Variants in ATAD3C observed in about 807,000 individuals in gnomAD.
The protein encoded by ATAD3C is ATPase family AAA domain containing 3C.
Under a neutral mutation model 46.3 loss-of-function variants are expected in ATAD3C, and 38 were observed. The observed-to-expected ratio is 0.82, with a 90% CI of 0.63 to 1.08. The LOEUF (loss-of-function observed/expected upper bound fraction) is 1.08. ATAD3C is among the 50% of genes least tolerant of loss of function. ATAD3C has a pLI of 0.00. For missense variants in ATAD3C, 563 were observed against 572.7 expected, an observed-to-expected ratio of 0.98 and a Z score of 0.17; for synonymous variants, 220 against 236.4, an observed-to-expected ratio of 0.93 and a Z score of 0.63.
chr1:1,452,666 G>A (rs1638883036), intron 3 of ATAD3C, among the ~76,000 whole-genome samples: 1 of 151,872 alleles, frequency 6.6e-6, no homozygotes, highest in South Asian at 2.1e-4. Flanking sequence ...CTCTACACAT[G>A]GCACGTGCTT....
At chr1:1,455,594 G>T in intron 5 of ATAD3C, 75 bp downstream of exon 5, 1 of 1,603,504 alleles carries the variant, frequency 6.2e-7, no homozygotes, top group East Asian at 2.2e-5. Flanking sequence ...GGCCCTTGCT[G>T]GCGCTCCTGG....
intron 3 of ATAD3C, among the ~76,000 whole-genome samples, chr1:1,453,201 T>C (rs1638894514): frequency 6.6e-6 from 1 of 152,060 alleles, no homozygotes; most frequent in South Asian, 2.1e-4. Flanking sequence ...TAATGCACTG[T>C]TGACTTTTGT....
At chr1:1,451,744 T>G (rs1638862745) in intron 1 of ATAD3C, among the ~76,000 whole-genome samples, 2 of 152,080 alleles carry the variant, frequency 1.3e-5, no homozygotes, top group Non-Finnish European at 2.9e-5. Flanking sequence ...GAAGCTTCCT[T>G]AAGCCCAGCC....
rs950565855 is a variant in ATAD3C at position 1,455,735 on chromosome 1, C to A, written c.439-56C>A. 11 of 1,606,522 alleles carry A rather than the reference C, an allele frequency of 6.8e-6. 1 individual carries two copies. Among genetic ancestry groups the A allele is most frequent in the African/African-American group, 4.0e-5 (3 of 74,598 alleles). On this transcript the variant is annotated intron_variant, in intron 5 of 11. Coordinates refer to ENST00000378785, the MANE Select transcript of ATAD3C (RefSeq NM_001039211.3). ...CCCAGGCATTCTCGCAGCCCCTGCCCCCGAGGCTTCTGTGGGTGCAGACTG... is the reference window on the plus strand; with the variant it reads ...CCCAGGCATTCTCGCAGCCCCTGCCACCGAGGCTTCTGTGGGTGCAGACTG...
Position 1,461,186 on chromosome 1 carries a change from C to T in ATAD3C, c.980+269C>T, listed in dbSNP as rs987705348. Among the ~76,000 whole-genome samples, 4 of 144,188 alleles carry T rather than the reference C, an allele frequency of 2.8e-5. 1 individual carries two copies. Among genetic ancestry groups the T allele is most frequent in the Non-Finnish European group, 5.9e-5 (4 of 67,906 alleles). The allele number at this position is 144,188 out of a possible 152,430, so 94.6% of individuals were successfully genotyped here. On this transcript the variant is annotated intron_variant, in intron 10 of 11. Transcript: ENST00000378785. ...GCACAGTCCACTATCACTTACAAAC[C>T]TTTAACATTTTTTTTTTTGAGGCGA...
At position 1,467,273 on chromosome 1, in the gene ATAD3C, C is replaced by A. The variant is rs572565120; in HGVS notation, c.1090-1111C>A. On this transcript the variant is annotated intron_variant, in intron 11 of 11. Coordinates refer to ENST00000378785, the MANE Select transcript of ATAD3C (RefSeq NM_001039211.3). Reference sequence around the variant, plus strand: ...GGGCCCTGGGTGAGGTGCAGCCACTCGGGTGGACCCTGAGGGTCCCTGCAC... The same window carrying A: ...GGGCCCTGGGTGAGGTGCAGCCACTAGGGTGGACCCTGAGGGTCCCTGCAC... 1.2e-4 allele frequency among the ~76,000 whole-genome samples: 18 copies of A among 152,172 alleles called. No individual in the cohort carries two copies. In the East Asian group the frequency reaches 2.9e-3, roughly 24 times the overall value.
chr1:1,460,957 C>T lies in ATAD3C; in HGVS notation c.980+40C>T, dbSNP rs770738112. ...CCACCAGCCCCCGTCCAGGGGCCCT[C>T]GCTCAGGGTCCACCCCTGCTCCTGT... On this transcript the variant is annotated intron_variant, in intron 10 of 11. Transcript: ENST00000378785. 26 of 1,567,986 alleles carry T rather than the reference C, an allele frequency of 1.7e-5. No individual in the cohort carries two copies. The Admixed American group carries it at 2.6e-4, about 16-fold the overall frequency.
At chr1:1,450,829 A>C (rs921409647) in intron 1 of ATAD3C, 71 bp downstream of exon 1, 1 of 1,596,972 alleles carries the variant, frequency 6.3e-7, no homozygotes, top group Non-Finnish European at 8.5e-7. Context: ...TGGTAGGGCT[A>C]CTGCCGGTGG....
rs1391351719 is a variant in ATAD3C at position 1,455,490 on chromosome 1, C to T, written c.409C>T (p.Gln137Ter). The T allele has an allele frequency of 5.0e-6, 8 of 1,612,544 alleles. No individual in the cohort carries two copies. The highest frequency in any genetic ancestry group is 5.9e-6 in the Non-Finnish European group (7 of 1,179,474). Residue 137 changes from glutamine (Q) to a stop codon, truncating the protein, a stop_gained, in exon 5 of 12, where the codon CAG becomes TAG. Coordinates refer to ENST00000378785, the MANE Select transcript of ATAD3C (RefSeq NM_001039211.3). LOFTEE classifies it high-confidence loss of function. ...CAGCCGGCGGCTCCTCAGTCGACCC[C>T]AGGACGTGCTGGAGGGTGTTGTGCT... ...QVSRRLLSRP[Q>*]DVLEGVVLSP...
chr1:1,462,590 C>T lies in ATAD3C; in HGVS notation c.981-10C>T, dbSNP rs1282715844. 1 of 1,584,758 alleles carries T rather than the reference C, an allele frequency of 6.3e-7. No individual in the cohort carries two copies. Among genetic ancestry groups the T allele is most frequent in the Non-Finnish European group, 8.6e-7 (1 of 1,166,078 alleles). ...GCCTTGGCCGGCCCACTTGGGAACT[C>T]CTTCCCCAGGCGTCTGAAGCTGGCC... On this transcript the variant is annotated splice_polypyrimidine_tract_variant and intron_variant, in intron 10 of 11. Transcript: ENST00000378785. This position sits in a 1 kb window ranked among gnomAD's most constrained non-coding sequence, Gnocchi z 4.5.
rs185407047 is a variant in ATAD3C, at chr1:1,469,865, G to A, written c.*1335G>A. Reference sequence around the variant, plus strand: ...AAGCAACTGAAGATCCACAAAATAAGTGAAAAGAGCCTTAACTGATGACAT... The same window carrying A: ...AAGCAACTGAAGATCCACAAAATAAATGAAAAGAGCCTTAACTGATGACAT... On this transcript the variant is annotated 3_prime_UTR_variant, in exon 12 of 12. Coordinates refer to ENST00000378785, the MANE Select transcript of ATAD3C (RefSeq NM_001039211.3). 6.6e-6 allele frequency: 1 copy of A among 152,010 alleles called. No individual in the cohort carries two copies. The highest frequency in any genetic ancestry group is 2.4e-5 in the African/African-American group (1 of 41,438). 9.4% of individuals were successfully genotyped at this position (152,010 alleles called of 1,614,324 possible).
rs375341112 is a variant in ATAD3C at position 1,450,710 on chromosome 1, G to A, written c.27G>A (p.Ala9=). The part of the protein sequence containing the change: MSKDALNL[A]QMQEQTLQLE... ...TGTCAAAGGACGCCCTGAATCTGGC[G>A]CAGATGCAGGAGCAGACGCTGCAGT... Residue 9 remains alanine, a synonymous_variant, in exon 1 of 12, where the codon GCG becomes GCA. Coordinates refer to ENST00000378785, the MANE Select transcript of ATAD3C (RefSeq NM_001039211.3). The A allele has an allele frequency of 2.1e-4, 331 of 1,613,178 alleles. 4 individuals carry two copies. The highest frequency in any genetic ancestry group is 1.6e-3 in the African/African-American group (122 of 75,052).
In ATAD3C at chr1:1,457,574, C is replaced by T. The variant is rs576316792; in HGVS notation, c.741+394C>T. ...TCGTGCTGCTGCACTCCAGCCTGGG[C>T]GACACAGCGAGACTTCATCTCAAAA... On this transcript the variant is annotated intron_variant, in intron 8 of 11. Transcript: ENST00000378785. 1.4e-3 allele frequency among the ~76,000 whole-genome samples: 171 copies of T among 120,126 alleles called. 3 individuals carry two copies. The highest frequency in any genetic ancestry group is 5.3e-3 in the Admixed American group (49 of 9,302). 78.8% of individuals were successfully genotyped at this position (120,126 alleles called of 152,430 possible).
At chr1:1,461,861 G>A (rs1014390815) in intron 10 of ATAD3C, among the ~76,000 whole-genome samples, 5 of 152,114 alleles carry the variant, frequency 3.3e-5, no homozygotes, top group Admixed American at 2.6e-4. Context: ...TGTGGGGCGC[G>A]GCTCTTGCTT....
intron 11 of ATAD3C, 116 bp from the exon 12 acceptor site, chr1:1,468,268 C>T (rs1167201167): frequency 2.0e-5 from 29 of 1,439,898 alleles, no homozygotes; most frequent in African/African-American, 5.8e-5. Flanking sequence ...CTGTGTTTCA[C>T]GCTCAGGCCA....
Position 1,454,397 on chromosome 1 carries a change from C to G in ATAD3C, c.275C>G (p.Thr92Arg). ...GGGGTCTACTCAGCCAAGAATGCGA[C>G]AGCCGTCACTGGCCGCTACATCGAG... ...AVGVYSAKNA[T>R]AVTGRYIEAR... The change falls in exon 4 of 12, where the codon ACA becomes AGA. Residue 92 changes from threonine to arginine, a missense_variant. Physicochemically the swap from Thr to Arg is moderately conservative, Grantham distance 71. Coordinates refer to ENST00000378785, the MANE Select transcript of ATAD3C (RefSeq NM_001039211.3). 1 of 1,604,138 alleles carries G rather than the reference C, an allele frequency of 6.2e-7. No individual in the cohort carries two copies. The highest frequency in any genetic ancestry group is 8.5e-7 in the Non-Finnish European group (1 of 1,177,034).
rs1639191398 is a variant in ATAD3C at position 1,468,810 on chromosome 1, G to GC, written c.*284dup. 1 of 496,868 alleles carries GC rather than the reference G, an allele frequency of 2.0e-6. No individual in the cohort carries two copies. The highest frequency in any genetic ancestry group is 3.5e-6 in the Non-Finnish European group (1 of 284,658). The allele number at this position is 496,868 out of a possible 1,614,324, so 30.8% of individuals were successfully genotyped here. On this transcript the variant is annotated 3_prime_UTR_variant, in exon 12 of 12. Transcript: ENST00000378785. ...TGCCACGGCGGGGCCGGGTGCCCGT[G>GC]CCCCATCCTGAGGCCGTGCATACGC...
At chr1:1,461,489 C>T (rs1372995434) in intron 10 of ATAD3C, among the ~76,000 whole-genome samples, 1 of 149,098 alleles carries the variant, frequency 6.7e-6, no homozygotes, top group Non-Finnish European at 1.5e-5. Context: ...TGCCCGGCCT[C>T]TTTTACGTTC....
At position 1,454,358 on chromosome 1, in the gene ATAD3C, C is replaced by A; in HGVS notation, c.236C>A (p.Thr79Lys). Residue 79 changes from threonine to lysine, a missense_variant, in exon 4 of 12, where the codon ACG (threonine) becomes AAG (lysine). Transcript: ENST00000378785. ...DKVTATVAGL[T>K]LLAVGVYSAK... is the part of the protein sequence containing the mutation. ...TCTCTGCTGCAGGTGGCTGGGCTGA[C>A]GCTGCTGGCTGTCGGGGTCTACTCA... The A allele has an allele frequency of 1.3e-6, 2 of 1,598,718 alleles. No individual in the cohort carries two copies. Among genetic ancestry groups the A allele is most frequent in the South Asian group, 2.2e-5 (2 of 88,978 alleles).
Sources: allele counts gnomAD v4.1 joint callset (sites outside exome capture counted in the v4.1 genomes callset), GRCh38; gene constraint gnomAD v4.1.1; non-coding constraint Gnocchi (gnomAD v3.1); transcripts MANE v1.5; gene names NCBI Gene and HGNC (gene_info 2026-07-23, HGNC 2026-07-21).